The following POU6F2 variants were observed in gnomAD, a reference collection of about 807,000 sequenced individuals.
POU6F2 encodes POU class 6 homeobox 2.
Under a neutral mutation model 71.3 loss-of-function variants are expected in POU6F2, and 31 were observed. The observed-to-expected ratio is 0.43, with a 90% CI of 0.33 to 0.59. The LOEUF is 0.59. Among genes scored for constraint, POU6F2 ranks in the 20% least tolerant of loss-of-function variants. The pLI is 0.04. For synonymous variants in POU6F2, 347 were observed against 355.7 expected (o/e 0.98, Z 0.27); for missense variants, 783 against 856.8 (o/e 0.91, Z 1.07).
At chr7:39,092,590 T>C (rs1489458119) in intron 2 of POU6F2, among the ~76,000 whole-genome samples, 1 of 152,184 alleles carries the variant, frequency 6.6e-6, no homozygotes, top group Non-Finnish European at 1.5e-5. Context: ...CTTCAAGTAA[T>C]ATTTATTCAT....
At chr7:39,309,061 T>G (rs1316028183) in intron 4 of POU6F2, among the ~76,000 whole-genome samples, 3 of 152,236 alleles carry the variant, frequency 2.0e-5, no homozygotes, top group Non-Finnish European at 4.4e-5. Context: ...TCTTCTTCTG[T>G]GTCACCCACC....
chr7:39,065,434 A>T (rs1165076684), intron 1 of POU6F2, among the ~76,000 whole-genome samples: 1 of 151,690 alleles, frequency 6.6e-6, no homozygotes, highest in African/African-American at 2.4e-5. Context: ...TAAATTCACA[A>T]AAGTGTGAAA....
At chr7:39,048,402 CCT>C (rs958645746) in intron 1 of POU6F2, among the ~76,000 whole-genome samples, 1 of 151,658 alleles carries the variant, frequency 6.6e-6, no homozygotes, top group Non-Finnish European at 1.5e-5. Flanking sequence ...CTGTTGTTCC[CCT>C]CTTTGTGTCT....
At chr7:39,341,377 T>G (rs1785913627) in intron 5 of POU6F2, among the ~76,000 whole-genome samples, 1 of 152,114 alleles carries the variant, frequency 6.6e-6, no homozygotes, top group Non-Finnish European at 1.5e-5. Flanking sequence ...ATACAATTCT[T>G]ACGATGGTGA....
intron 4 of POU6F2, among the ~76,000 whole-genome samples, chr7:39,300,226 C>A (rs1460100405): frequency 6.6e-6 from 1 of 152,162 alleles, no homozygotes; most frequent in Non-Finnish European, 1.5e-5. Context: ...TTCTACATGG[C>A]TAAACTAAAC....
intron 2 of POU6F2, among the ~76,000 whole-genome samples, chr7:39,115,674 T>C (rs1358212730): frequency 6.6e-6 from 1 of 152,196 alleles, no homozygotes; most frequent in Non-Finnish European, 1.5e-5. Context: ...GTGTTGGTTT[T>C]GGGGAAAGAT....
At chr7:39,073,791 A>G (rs1460140605) in intron 1 of POU6F2, among the ~76,000 whole-genome samples, 1 of 152,238 alleles carries the variant, frequency 6.6e-6, no homozygotes, top group African/African-American at 2.4e-5. Flanking sequence ...AGCGTGTGCT[A>G]TTGCAGCTTG....
chr7:39,011,699 G>A (rs1209393459), intron 1 of POU6F2, among the ~76,000 whole-genome samples: 4 of 151,246 alleles, frequency 2.6e-5, no homozygotes, highest in Non-Finnish European at 5.9e-5. Flanking sequence ...TCCTTCAGGA[G>A]CTCTTGTAGG....
chr7:39,327,684 C>A (rs1436656759), intron 4 of POU6F2, among the ~76,000 whole-genome samples: 1 of 151,294 alleles, frequency 6.6e-6, no homozygotes, highest in Non-Finnish European at 1.5e-5. Context: ...ATATATAAAT[C>A]ATATATATAT....
intron 6 of POU6F2, among the ~76,000 whole-genome samples, chr7:39,428,416 C>T (rs912816687): frequency 2.0e-5 from 3 of 152,184 alleles, no homozygotes; most frequent in African/African-American, 7.2e-5. Flanking sequence ...CTGGTTAAAG[C>T]ATTTTTCAGA....
rs943915274 is a variant in POU6F2, at chr7:39,460,414, C to T, written c.1490-133C>T. On this transcript the variant is annotated intron_variant, in intron 8 of 9. Coordinates refer to ENST00000518318, the MANE Select transcript of POU6F2 (RefSeq NM_001370959.1). This position sits in a 1 kb window ranked among gnomAD's most constrained non-coding sequence, Gnocchi z 4.4. ...TGGGTGTCTCACCTGGGAGACAAAG[C>T]GAACATTCTCTGAGGTTGGTTTCCT... 2.7e-5 allele frequency: 26 copies of T among 950,936 alleles called. No homozygotes were observed. Among genetic ancestry groups the T allele is most frequent in the Non-Finnish European group, 3.9e-5 (25 of 636,750 alleles). The allele number at this position is 950,936 out of a possible 1,614,324, so 58.9% of individuals were successfully genotyped here.
intron 4 of POU6F2, among the ~76,000 whole-genome samples, chr7:39,265,986 A>T (rs778885729): frequency 2.0e-5 from 3 of 152,182 alleles, no homozygotes; most frequent in Non-Finnish European, 4.4e-5. Flanking sequence ...ACATTTTCTA[A>T]TTGCTAAGAT....
chr7:39,075,643 C>A (rs1474725795), intron 1 of POU6F2, among the ~76,000 whole-genome samples: 2 of 152,214 alleles, frequency 1.3e-5, no homozygotes, highest in African/African-American at 4.8e-5. Flanking sequence ...GATGATACTG[C>A]TCCTGAAGGC....
At position 39,468,467 on chromosome 7, in the gene POU6F2, A is replaced by T. The variant is rs2116195574; in HGVS notation, c.*3781A>T. On this transcript the variant is annotated 3_prime_UTR_variant, in exon 10 of 10. Coordinates refer to ENST00000518318, the MANE Select transcript of POU6F2 (RefSeq NM_001370959.1). ...ATCTGCACAGGTTGCTTAATATTTA[A>T]AAAAAAAAAAAACTGTACTTAATCT... The T allele has an allele frequency of 6.7e-6, 1 of 149,072 alleles. No homozygotes were observed. Among genetic ancestry groups the T allele is most frequent in the South Asian group, 2.1e-4 (1 of 4,718 alleles). 9.2% of individuals were successfully genotyped at this position (149,072 alleles called of 1,614,324 possible).
chr7:39,014,981 G>A (rs1789433428), intron 1 of POU6F2, among the ~76,000 whole-genome samples: 1 of 151,876 alleles, frequency 6.6e-6, no homozygotes, highest in South Asian at 2.1e-4. Context: ...CAGAAGGATG[G>A]TACACCATAA....
chr7:39,437,349 G>C (rs770469233), intron 7 of POU6F2, among the ~76,000 whole-genome samples: 1 of 152,130 alleles, frequency 6.6e-6, no homozygotes, highest in Non-Finnish European at 1.5e-5. Context: ...TTTAGTCTTG[G>C]GAGGGTGTAT....
At chr7:39,401,053 G>A (rs1292963924) in intron 5 of POU6F2, among the ~76,000 whole-genome samples, 1 of 152,220 alleles carries the variant, frequency 6.6e-6, no homozygotes, top group Non-Finnish European at 1.5e-5. Context: ...GGAGGGGCCA[G>A]GCTCCTCCCT....
Position 39,298,807 on chromosome 7 carries a change from G to A in POU6F2, c.599-40835G>A, listed in dbSNP as rs532893437. ...AAAGAAAATGTGGTACATATACACC[G>A]TGGAATACTATGATGCCATAAAAAA... On this transcript the variant is annotated intron_variant, in intron 4 of 9. Coordinates refer to ENST00000518318, the MANE Select transcript of POU6F2 (RefSeq NM_001370959.1). 1.3e-4 allele frequency among the ~76,000 whole-genome samples: 20 copies of A among 152,218 alleles called. No individual in the cohort carries two copies. In the South Asian group the frequency reaches 2.9e-3, roughly 22 times the overall value.
intron 2 of POU6F2, among the ~76,000 whole-genome samples, chr7:39,151,394 G>A (rs891943421): frequency 2.0e-5 from 3 of 152,060 alleles, no homozygotes; most frequent in Admixed American, 2.0e-4. Context: ...CCTCTCTGGG[G>A]GCCCATTAGC....
Sources: gnomAD v4.1 joint callset for allele counts (sites outside exome capture counted in the v4.1 genomes callset) on GRCh38, gnomAD v4.1.1 for gene constraint, Gnocchi (gnomAD v3.1) non-coding constraint, MANE v1.5 for transcripts, NCBI Gene and HGNC (gene_info 2026-07-23, HGNC 2026-07-21) for gene names.